The following SCLT1 variants were observed in gnomAD, a reference collection of about 807,000 sequenced individuals.
SCLT1 encodes sodium channel-associated protein 1.
SCLT1 carries 78 observed loss-of-function variants against 112.8 expected under a neutral mutation model. That is an observed-to-expected ratio of 0.69 (90% CI 0.58 to 0.83). The LOEUF (loss-of-function observed/expected upper bound fraction) is 0.83. Ranked by LOEUF, SCLT1 falls within the 40% of genes least tolerant of loss-of-function variation. The pLI, the probability that SCLT1 is intolerant of heterozygous loss-of-function variation, is 0.00. For synonymous variants in SCLT1, 257 were observed against 254.7 expected, an observed-to-expected ratio of 1.01 and a Z score of -0.09; for missense variants, 747 against 770.4, an observed-to-expected ratio of 0.97 and a Z score of 0.36.
intron 5 of SCLT1, among the ~76,000 whole-genome samples, chr4:129,033,873 T>G (rs1313333975): frequency 6.6e-6 from 1 of 152,120 alleles, no homozygotes; most frequent in Admixed American, 6.6e-5. Flanking sequence ...AAGATACATA[T>G]AGAAACCAGG....
At chr4:128,900,414 C>A (rs932141026) in intron 18 of SCLT1, among the ~76,000 whole-genome samples, 1 of 152,096 alleles carries the variant, frequency 6.6e-6, no homozygotes, top group Non-Finnish European at 1.5e-5. Context: ...CTGAGAAAAA[C>A]AAGCAATGGG....
At chr4:129,008,410 T>C (rs532417594) in intron 5 of SCLT1, among the ~76,000 whole-genome samples, 2 of 152,330 alleles carry the variant, frequency 1.3e-5, no homozygotes, top group South Asian at 4.1e-4. Flanking sequence ...TGCTATTCCT[T>C]TGAGGATAAT....
chr4:128,995,870 G>A (rs1490472972), intron 8 of SCLT1, among the ~76,000 whole-genome samples: 1 of 152,072 alleles, frequency 6.6e-6, no homozygotes, highest in African/African-American at 2.4e-5. Context: ...GGAAAGTTGA[G>A]AACTGAATTT....
Position 129,077,688 on chromosome 4 carries a change from A to G in SCLT1, c.102+4618T>C, listed in dbSNP as rs538361347. Among the ~76,000 whole-genome samples, 28 of 152,352 alleles carry G rather than the reference A, an allele frequency of 1.8e-4. No individual in the cohort carries two copies. The South Asian group carries it at 5.0e-3, about 27-fold the overall frequency. On this transcript the variant is annotated intron_variant, in intron 2 of 20. Coordinates refer to ENST00000281142, the MANE Select transcript of SCLT1 (RefSeq NM_144643.4). ...ATTTCTGTTGCTAGTAGCAACAACT[A>G]AGTTACAGTGATAAGATATATGAGC... is the stretch of plus-strand genomic sequence containing the variant.
chr4:128,950,081 G>A (rs1327799430), intron 14 of SCLT1, among the ~76,000 whole-genome samples: 2 of 152,008 alleles, frequency 1.3e-5, no homozygotes, highest in Non-Finnish European at 2.9e-5. Flanking sequence ...CTTTTATTAA[G>A]ATAGAACCCT....
At chr4:128,957,928 G>C (rs1739354942) in intron 12 of SCLT1, among the ~76,000 whole-genome samples, 1 of 152,046 alleles carries the variant, frequency 6.6e-6, no homozygotes, top group Admixed American at 6.6e-5. Context: ...AGTCTACATT[G>C]CTGATTCTTC....
intron 10 of SCLT1, among the ~76,000 whole-genome samples, chr4:128,967,125 T>A (rs989146998): frequency 6.6e-6 from 1 of 152,196 alleles, no homozygotes; most frequent in Non-Finnish European, 1.5e-5. Context: ...TTTCCGTTCC[T>A]GAGTTAATTT....
chr4:129,072,975 T>A (rs2125757168), intron 2 of SCLT1, among the ~76,000 whole-genome samples: 1 of 152,232 alleles, frequency 6.6e-6, no homozygotes, highest in South Asian at 2.1e-4. Flanking sequence ...TTGTTCAGAT[T>A]CTTTTGTCCC....
intron 14 of SCLT1, among the ~76,000 whole-genome samples, chr4:128,949,379 C>CT (rs1157161348): frequency 2.0e-5 from 3 of 151,524 alleles, no homozygotes; most frequent in South Asian, 2.1e-4. Flanking sequence ...ATTTCTGTCC[C>CT]TTTTTTTTAA....
At chr4:129,011,041 TGCTG>T (rs1744476496) in intron 5 of SCLT1, among the ~76,000 whole-genome samples, 3 of 152,334 alleles carry the variant, frequency 2.0e-5, no homozygotes, top group South Asian at 4.1e-4. Context: ...TTCCATATGA[TGCTG>T]GCTGTGAGTT....
At chr4:128,906,260 C>T (rs543348100) in intron 18 of SCLT1, among the ~76,000 whole-genome samples, 32 of 152,194 alleles carry the variant, frequency 2.1e-4, no homozygotes, top group Non-Finnish European at 3.8e-4. Context: ...TGCAGTGGCG[C>T]GATCTCGGCT....
intron 5 of SCLT1, among the ~76,000 whole-genome samples, chr4:129,014,842 G>T (rs1488397948): frequency 6.6e-6 from 1 of 152,194 alleles, no homozygotes; most frequent in Non-Finnish European, 1.5e-5. Context: ...GGCTGCTGGG[G>T]TGCCTGCCTC....
At chr4:128,923,444 C>CA (rs35945474) in intron 18 of SCLT1, among the ~76,000 whole-genome samples, 56,715 of 81,272 alleles carry the variant, frequency 0.7, 19,139 homozygotes, top group Middle Eastern at 0.74. Flanking sequence ...GACTCCATCT[C>CA]AAAAAAAAAA....
intron 2 of SCLT1, among the ~76,000 whole-genome samples, chr4:129,050,047 T>C (rs781282915): frequency 4.6e-5 from 7 of 152,200 alleles, no homozygotes; most frequent in Non-Finnish European, 1.0e-4. Flanking sequence ...ACTTCATCCA[T>C]GTCCCTGCAA....
intron 2 of SCLT1, among the ~76,000 whole-genome samples, chr4:129,070,645 CCTT>C (rs1223135659): frequency 3.9e-5 from 6 of 151,910 alleles, no homozygotes; most frequent in Admixed American, 1.3e-4. Context: ...GGATTTTCTC[CCTT>C]CTTTTCTTGG....
At chr4:129,047,501 C>T (rs779238724) in intron 2 of SCLT1, among the ~76,000 whole-genome samples, 6 of 152,000 alleles carry the variant, frequency 3.9e-5, no homozygotes, top group Non-Finnish European at 7.4e-5. Context: ...CTCTTCTTGT[C>T]CCTTTTCATA....
chr4:129,023,969 C>T (rs536099843), intron 5 of SCLT1, among the ~76,000 whole-genome samples: 215 of 152,310 alleles, frequency 1.4e-3, no homozygotes, highest in Non-Finnish European at 2.3e-3. Flanking sequence ...AACTGCAAGG[C>T]GGCAGCGAGG....
At chr4:128,992,376 AC>A in intron 8 of SCLT1, 139 bp from the exon 9 acceptor site, 1 of 554,520 alleles carries the variant, frequency 1.8e-6, no homozygotes, top group Non-Finnish European at 3.1e-6. Flanking sequence ...GTAAAACATA[AC>A]CTTGGCCTTC....
Position 128,952,440 on chromosome 4 carries a change from A to G in SCLT1, c.1218+329T>C, listed in dbSNP as rs776983006. The G allele has an allele frequency of 3.1e-5, 15 of 479,966 alleles. 1 individual carries two copies. Among genetic ancestry groups the G allele is most frequent in the South Asian group, 2.3e-4 (15 of 64,650 alleles). The allele number at this position is 479,966 out of a possible 1,614,324, so 29.7% of individuals were successfully genotyped here. Reference sequence around the variant, plus strand: ...AAGCTTTCTGTATTTCTTCCTTCCCACTGTTATATATACTTTCTCTTTCTC... The same window carrying G: ...AAGCTTTCTGTATTTCTTCCTTCCCGCTGTTATATATACTTTCTCTTTCTC... On this transcript the variant is annotated intron_variant, in intron 14 of 20. Transcript: ENST00000281142.
Sources: allele counts gnomAD v4.1 joint callset (sites outside exome capture counted in the v4.1 genomes callset), GRCh38; gene constraint gnomAD v4.1.1; transcripts MANE v1.5; gene names NCBI Gene and HGNC (gene_info 2026-07-23, HGNC 2026-07-21).